Variants in EPB41L4A observed in about 807,000 individuals in gnomAD.
EPB41L4A encodes erythrocyte membrane protein band 4.1 like 4A, also known as band 4.1-like protein 4A.
In EPB41L4A, 100 loss-of-function variants were observed where a neutral mutation model predicts 108.6. The ratio of observed to expected loss-of-function variants is 0.92; its 90% CI spans 0.78 to 1.09. The LOEUF is 1.09. EPB41L4A is among the 50% of genes least tolerant of loss of function. EPB41L4A has a pLI of 0.00. For synonymous variants in EPB41L4A, 319 were observed against 289.0 expected, an observed-to-expected ratio of 1.10 and a Z score of -1.05; for missense variants, 1,030 against 842.7, an observed-to-expected ratio of 1.22 and a Z score of -2.75.
chr5:112,267,001 C>A (rs1751910964), intron 4 of EPB41L4A, among the ~76,000 whole-genome samples: 1 of 152,152 alleles, frequency 6.6e-6, no homozygotes, highest in South Asian at 2.1e-4. Flanking sequence ...AATAACTTGT[C>A]CAGGACCTCA....
At chr5:112,151,960 GACCTCA>G (rs1270662600) in intron 12 of EPB41L4A, among the ~76,000 whole-genome samples, 3 of 152,262 alleles carry the variant, frequency 2.0e-5, no homozygotes, top group Admixed American at 6.5e-5. Context: ...TTGAATTCCT[GACCTCA>G]AGTGATCCGC....
chr5:112,364,383 A>G (rs984039162), intron 1 of EPB41L4A, among the ~76,000 whole-genome samples: 2 of 152,242 alleles, frequency 1.3e-5, no homozygotes, highest in African/African-American at 4.8e-5. Context: ...TATTCACATT[A>G]GAGTTACAAT....
At chr5:112,142,965 C>G (rs1759119433) in exon 14 of EPB41L4A, 1 of 152,104 alleles carries the variant, frequency 6.6e-6, no homozygotes, top group South Asian at 2.1e-4. Flanking sequence ...TGAGAGGATT[C>G]ACATGCCTCC....
At chr5:112,144,203 T>C (rs549157235) in intron 13 of EPB41L4A, among the ~76,000 whole-genome samples, 98 of 152,370 alleles carry the variant, frequency 6.4e-4, no homozygotes, top group African/African-American at 2.3e-3. Flanking sequence ...CATTTTATTA[T>C]ACTTAACTTC....
At chr5:112,338,612 C>A (rs1757072803) in intron 1 of EPB41L4A, among the ~76,000 whole-genome samples, 1 of 152,152 alleles carries the variant, frequency 6.6e-6, no homozygotes, top group African/African-American at 2.4e-5. Context: ...CCCGCCACCA[C>A]ACACAAAAAG....
intron 9 of EPB41L4A, among the ~76,000 whole-genome samples, chr5:112,243,705 C>T (rs1399978961): frequency 6.6e-6 from 1 of 152,168 alleles, no homozygotes; most frequent in Non-Finnish European, 1.5e-5. Context: ...TTTATGTTAT[C>T]GAGATGGCTA....
intron 6 of EPB41L4A, 171 bp downstream of exon 6, chr5:112,264,725 G>A: frequency 1.7e-6 from 1 of 572,542 alleles, no homozygotes; most frequent in Non-Finnish European, 2.8e-6. Flanking sequence ...TTAAATTACT[G>A]AAGTTTTCGA....
At chr5:112,165,319 A>C (rs1056432951) in intron 22 of EPB41L4A, among the ~76,000 whole-genome samples, 6 of 152,190 alleles carry the variant, frequency 3.9e-5, no homozygotes, top group African/African-American at 1.4e-4. Flanking sequence ...TTAATATACA[A>C]AGTTAGTCTG....
chr5:112,233,030 C>T (rs1001804008), intron 12 of EPB41L4A, among the ~76,000 whole-genome samples: 2 of 152,072 alleles, frequency 1.3e-5, no homozygotes, highest in African/African-American at 4.8e-5. Context: ...TTATTAAAGA[C>T]ACAGTGTCTT....
At chr5:112,247,089 C>T (rs1003300197) in intron 9 of EPB41L4A, among the ~76,000 whole-genome samples, 3 of 152,164 alleles carry the variant, frequency 2.0e-5, no homozygotes, top group Non-Finnish European at 2.9e-5. Context: ...ATGACAAAAT[C>T]GCCTAACGAC....
chr5:112,416,080 CTG>C (rs1762704467), intron 1 of EPB41L4A, among the ~76,000 whole-genome samples: 1 of 150,780 alleles, frequency 6.6e-6, no homozygotes, highest in South Asian at 2.1e-4. Context: ...AGATGAGTAA[CTG>C]TTGTCTTCAG....
chr5:112,162,212 A>G (rs1443488785), downstream of EPB41L4A: 1 of 152,212 alleles, frequency 6.6e-6, no homozygotes, highest in African/African-American at 2.4e-5. Context: ...ATCATTTGAA[A>G]TTTCTGGGAG....
chr5:112,298,837 C>G (rs893367914), intron 2 of EPB41L4A, among the ~76,000 whole-genome samples: 1 of 152,068 alleles, frequency 6.6e-6, no homozygotes, highest in Non-Finnish European at 1.5e-5. Context: ...TGTTAATGGT[C>G]TGTTCAGGGT....
At chr5:112,359,270 C>G (rs1268709696) in intron 1 of EPB41L4A, among the ~76,000 whole-genome samples, 1 of 152,168 alleles carries the variant, frequency 6.6e-6, no homozygotes, top group Non-Finnish European at 1.5e-5. Context: ...CCCAATTTCT[C>G]TAATAGGTCT....
intron 1 of EPB41L4A, among the ~76,000 whole-genome samples, chr5:112,389,081 C>A (rs917779158): frequency 6.6e-6 from 1 of 152,034 alleles, no homozygotes; most frequent in African/African-American, 2.4e-5. Flanking sequence ...AAAAAAAATT[C>A]TATGGCTTAG....
chr5:112,219,368 A>G (rs1300346858), intron 12 of EPB41L4A, among the ~76,000 whole-genome samples: 1 of 152,112 alleles, frequency 6.6e-6, no homozygotes, highest in Non-Finnish European at 1.5e-5. Flanking sequence ...CCCTGTGAAG[A>G]CATGCCTTCT....
chr5:112,230,706 T>C (rs1046517735), intron 12 of EPB41L4A, among the ~76,000 whole-genome samples: 2 of 152,246 alleles, frequency 1.3e-5, no homozygotes, highest in Admixed American at 6.5e-5. Flanking sequence ...TTTCCTTTGC[T>C]GTGCAGAAGC....
At position 112,262,495 on chromosome 5, in the gene EPB41L4A, T is replaced by C. The variant is rs1334312806; in HGVS notation, c.641A>G (p.Tyr214Cys). The C allele has an allele frequency of 1.9e-6, 3 of 1,613,000 alleles. No homozygotes were observed. Among genetic ancestry groups the C allele is most frequent in the Middle Eastern group, 1.7e-4 (1 of 6,060 alleles). The change falls in exon 7 of 23, where the codon TAT (tyrosine) becomes TGT (cysteine). Residue 214 changes from tyrosine (Y) to cysteine (C), a missense_variant and splice_region_variant. Transcript: ENST00000261486. ...TTGTGTTAATTAAATGTTACTCACATAGACGGGATGGAGGTCAACGCCATA... is the reference window on the plus strand; with the variant it reads ...TTGTGTTAATTAAATGTTACTCACACAGACGGGATGGAGGTCAACGCCATA... ...EMYGVDLHPVYGENKSEYFLG... is the reference protein window; with the variant it reads ...EMYGVDLHPVCGENKSEYFLG...
intron 1 of EPB41L4A, 29 bp downstream of exon 1, chr5:112,418,912 C>T: frequency 6.3e-7 from 1 of 1,579,516 alleles, no homozygotes; most frequent in Non-Finnish European, 8.7e-7. Flanking sequence ...TGCCGCCAAC[C>T]CCCGGAACGC....
Sources: allele counts gnomAD v4.1 joint callset (sites outside exome capture counted in the v4.1 genomes callset), GRCh38; gene constraint gnomAD v4.1.1; transcripts MANE v1.5; gene names NCBI Gene and HGNC (gene_info 2026-07-23, HGNC 2026-07-21).